ST18: variants seen among roughly 807,000 people sequenced by gnomAD.
The protein encoded by ST18 is suppression of tumorigenicity 18 protein.
ST18 carries 50 observed loss-of-function variants against 110.0 expected under a neutral mutation model. That is an observed-to-expected ratio of 0.45 (90% CI 0.36 to 0.58). The LOEUF (loss-of-function observed/expected upper bound fraction) is 0.58. Among genes scored for constraint, ST18 ranks in the 20% least tolerant of loss-of-function variants. The pLI, the probability that ST18 is intolerant of heterozygous loss-of-function variation, is 0.00. For missense variants in ST18, 1,306 were observed against 1,280.1 expected (o/e 1.02, Z -0.31); for synonymous variants, 461 against 452.4 (o/e 1.02, Z -0.24).
intron 2 of ST18, among the ~76,000 whole-genome samples, chr8:52,380,838 C>T (rs1317418238): frequency 6.6e-6 from 1 of 152,124 alleles, no homozygotes; most frequent in Non-Finnish European, 1.5e-5. Flanking sequence ...CAATCAACAC[C>T]TATTGACTAT....
intron 2 of ST18, among the ~76,000 whole-genome samples, chr8:52,259,506 T>C (rs890534403): frequency 7.2e-5 from 11 of 152,208 alleles, no homozygotes; most frequent in Non-Finnish European, 8.8e-5. Flanking sequence ...TAAAATCAGG[T>C]ATTATTAAAA....
At chr8:52,249,103 C>T (rs2094086857) in intron 2 of ST18, among the ~76,000 whole-genome samples, 1 of 152,122 alleles carries the variant, frequency 6.6e-6, no homozygotes, top group African/African-American at 2.4e-5. Flanking sequence ...CAACAAATAG[C>T]CTACCTCTCA....
intron 9 of ST18, among the ~76,000 whole-genome samples, chr8:52,178,645 C>CAAAAAAAA (rs1563897561): frequency 0.019 from 562 of 29,970 alleles, 91 homozygotes; most frequent in East Asian, 0.035. Flanking sequence ...AAAAAAAAAC[C>CAAAAAAAA]ACCAAAAACC....
chr8:52,360,982 A>G (rs1466484022), intron 2 of ST18, among the ~76,000 whole-genome samples: 1 of 152,200 alleles, frequency 6.6e-6, no homozygotes, highest in Non-Finnish European at 1.5e-5. Context: ...AAACTGCATG[A>G]AGATTTCAAA....
At chr8:52,262,792 G>C (rs1041080809) in intron 2 of ST18, among the ~76,000 whole-genome samples, 2 of 152,152 alleles carry the variant, frequency 1.3e-5, no homozygotes, top group African/African-American at 4.8e-5. Context: ...CCTCCTACTC[G>C]CTGCACACAG....
At chr8:52,278,313 T>C (rs972930668) in intron 2 of ST18, among the ~76,000 whole-genome samples, 3 of 152,170 alleles carry the variant, frequency 2.0e-5, no homozygotes, top group African/African-American at 7.2e-5. Flanking sequence ...GAGTCAATGG[T>C]GTAAAAATAA....
chr8:52,339,041 C>T (rs1323928123), intron 2 of ST18, among the ~76,000 whole-genome samples: 1 of 152,124 alleles, frequency 6.6e-6, no homozygotes, highest in Admixed American at 6.5e-5. Flanking sequence ...AGTTCACTTG[C>T]AAAGTGGCTG....
At chr8:52,147,456 G>C (rs914132462) in intron 16 of ST18, among the ~76,000 whole-genome samples, 2 of 152,046 alleles carry the variant, frequency 1.3e-5, no homozygotes, top group Admixed American at 1.3e-4. Flanking sequence ...AGTATAATCA[G>C]TGTCAAACAA....
At chr8:52,356,779 A>C (rs1185419918) in intron 2 of ST18, among the ~76,000 whole-genome samples, 2 of 152,218 alleles carry the variant, frequency 1.3e-5, no homozygotes, top group East Asian at 3.8e-4. Flanking sequence ...TATCAATGAA[A>C]AGAGAGAAAT....
chr8:52,261,801 T>C (rs1367373506), intron 2 of ST18, among the ~76,000 whole-genome samples: 3 of 152,192 alleles, frequency 2.0e-5, no homozygotes, highest in Admixed American at 2.0e-4. Context: ...ACCGAGTCTT[T>C]CTAAAAGCCC....
At chr8:52,121,274 T>A (rs994540166) in intron 23 of ST18, among the ~76,000 whole-genome samples, 1 of 152,142 alleles carries the variant, frequency 6.6e-6, no homozygotes, top group African/African-American at 2.4e-5. Flanking sequence ...AGATGAGATC[T>A]CAAAAAGGAA....
chr8:52,135,378 T>C (rs1238147436), intron 19 of ST18, among the ~76,000 whole-genome samples: 3 of 151,772 alleles, frequency 2.0e-5, no homozygotes, highest in East Asian at 1.9e-4. Flanking sequence ...CTGGCCAACA[T>C]GGTGAAACAG....
At chr8:52,266,880 G>A (rs187479829) in intron 2 of ST18, among the ~76,000 whole-genome samples, 1 of 152,216 alleles carries the variant, frequency 6.6e-6, no homozygotes, top group East Asian at 1.9e-4. Context: ...GGATTAGAGG[G>A]GGCTATAAAG....
intron 2 of ST18, among the ~76,000 whole-genome samples, chr8:52,395,958 T>A (rs1840968802): frequency 6.6e-6 from 1 of 152,206 alleles, no homozygotes; most frequent in South Asian, 2.1e-4. Flanking sequence ...TATGCCCATA[T>A]ATTTAAACAT....
At chr8:52,327,971 T>C (rs949493287) in intron 2 of ST18, among the ~76,000 whole-genome samples, 3 of 152,236 alleles carry the variant, frequency 2.0e-5, no homozygotes, top group Non-Finnish European at 4.4e-5. Flanking sequence ...ATAGCTGAGA[T>C]GGCTACCTGT....
chr8:52,290,579 CAG>C (rs1369990159), intron 2 of ST18, among the ~76,000 whole-genome samples: 1 of 152,186 alleles, frequency 6.6e-6, no homozygotes, highest in Non-Finnish European at 1.5e-5. Flanking sequence ...TTGGCTGACA[CAG>C]AGTTTTGTGA....
intron 8 of ST18, among the ~76,000 whole-genome samples, chr8:52,210,450 G>A (rs1052789109): frequency 2.0e-5 from 3 of 152,052 alleles, no homozygotes; most frequent in Non-Finnish European, 4.4e-5. Context: ...TTGAGCCCAG[G>A]AGTTTGAGAC....
intron 2 of ST18, among the ~76,000 whole-genome samples, chr8:52,338,461 C>A (rs1813249423): frequency 6.6e-6 from 1 of 152,020 alleles, no homozygotes; most frequent in African/African-American, 2.4e-5. Context: ...TTACAGTCAT[C>A]CCTCAGTATC....
chr8:52,399,270 G>A (rs1297863097), intron 2 of ST18, among the ~76,000 whole-genome samples: 3 of 151,746 alleles, frequency 2.0e-5, no homozygotes, highest in African/African-American at 7.3e-5. Context: ...TTTCTGATGT[G>A]TCTGTTGTAA....
Sources: gnomAD v4.1 joint callset for allele counts (sites outside exome capture counted in the v4.1 genomes callset) on GRCh38, gnomAD v4.1.1 for gene constraint, MANE v1.5 for transcripts, NCBI Gene and HGNC (gene_info 2026-07-23, HGNC 2026-07-21) for gene names.